The following HECW2 variants were observed in gnomAD, a reference collection of about 807,000 sequenced individuals.
The protein encoded by HECW2 is E3 ubiquitin-protein ligase HECW2.
Under a neutral mutation model 175.2 loss-of-function variants are expected in HECW2, and 61 were observed. The ratio of observed to expected loss-of-function variants is 0.35; its 90% CI spans 0.28 to 0.43. The LOEUF (loss-of-function observed/expected upper bound fraction) is 0.43, where lower values mean the gene tolerates loss of function less well. Ranked by LOEUF, HECW2 falls within the 20% of genes least tolerant of loss-of-function variation. The pLI is 1.00. For synonymous variants in HECW2, 671 were observed against 731.0 expected (o/e 0.92, Z 1.32); for missense variants, 1,524 against 2,000.5 (o/e 0.76, Z 4.54).
intron 2 of HECW2, among the ~76,000 whole-genome samples, chr2:196,418,089 CAAAAA>C (rs1695303253): frequency 6.6e-6 from 1 of 151,452 alleles, no homozygotes; most frequent in East Asian, 1.9e-4. Context: ...ATATAGTCCC[CAAAAA>C]AGCAGTACTT....
chr2:196,207,882 T>G (rs1262444171), intron 28 of HECW2, among the ~76,000 whole-genome samples: 2 of 152,226 alleles, frequency 1.3e-5, no homozygotes, highest in African/African-American at 4.8e-5. Flanking sequence ...TTCCTGTATC[T>G]GGGGTAACTA....
At chr2:196,359,204 T>C (rs1400012734) in intron 2 of HECW2, among the ~76,000 whole-genome samples, 7 of 152,098 alleles carry the variant, frequency 4.6e-5, no homozygotes, top group African/African-American at 1.4e-4. Flanking sequence ...AATCCCAGCA[T>C]GTTAGGAGGC....
At chr2:196,559,109 A>G (rs141298912) in intron 1 of HECW2, among the ~76,000 whole-genome samples, 174 of 152,332 alleles carry the variant, frequency 1.1e-3, no homozygotes, top group African/African-American at 4.0e-3. Flanking sequence ...AATAAGCAGG[A>G]GAGCTGGGAT....
chr2:196,257,793 C>G, intron 18 of HECW2, 30 bp downstream of exon 18: 1 of 1,478,318 alleles, frequency 6.8e-7, no homozygotes, highest in Non-Finnish European at 9.4e-7. Flanking sequence ...AAGAGACCTT[C>G]TGCTTCAAGA....
intron 2 of HECW2, among the ~76,000 whole-genome samples, chr2:196,361,014 T>C (rs946352500): frequency 6.6e-6 from 1 of 152,138 alleles, no homozygotes; most frequent in African/African-American, 2.4e-5. Flanking sequence ...TACATGGCAA[T>C]AAAAATGAAC....
chr2:196,231,774 G>A (rs1688065415), intron 21 of HECW2, among the ~76,000 whole-genome samples: 1 of 7,258 alleles, frequency 1.4e-4, no homozygotes, highest in South Asian at 0.25. Flanking sequence ...GGATCACAAG[G>A]TCAGGACCAT....
At chr2:196,323,375 C>A (rs964468342) in intron 6 of HECW2, among the ~76,000 whole-genome samples, 3 of 152,196 alleles carry the variant, frequency 2.0e-5, no homozygotes, top group Non-Finnish European at 4.4e-5. Flanking sequence ...ATGTAACTTT[C>A]TTTTTGAAGA....
chr2:196,471,349 A>G (rs554964603), intron 1 of HECW2, among the ~76,000 whole-genome samples: 1 of 152,200 alleles, frequency 6.6e-6, no homozygotes, highest in African/African-American at 2.4e-5. Flanking sequence ...AAAATGGAAC[A>G]CTTATACACT....
intron 1 of HECW2, among the ~76,000 whole-genome samples, chr2:196,513,178 A>G (rs753320188): frequency 3.3e-5 from 5 of 152,198 alleles, no homozygotes; most frequent in African/African-American, 4.8e-5. Context: ...TTGTAAGTAA[A>G]TGTTGCTGTC....
chr2:196,308,232 C>T (rs905233767), intron 10 of HECW2, 147 bp from the exon 11 acceptor site: 8 of 485,338 alleles, frequency 1.6e-5, no homozygotes, highest in African/African-American at 1.5e-4. Context: ...TCCCATACTT[C>T]TCCCCAGTTC....
chr2:196,267,680 A>C (rs1329307475), intron 17 of HECW2, among the ~76,000 whole-genome samples: 1 of 152,228 alleles, frequency 6.6e-6, no homozygotes, highest in African/African-American at 2.4e-5. Flanking sequence ...ACAGGAAGAC[A>C]CACCAGTGAA....
intron 13 of HECW2, among the ~76,000 whole-genome samples, chr2:196,298,887 C>CA (rs1469762961): frequency 1.3e-5 from 2 of 151,994 alleles, no homozygotes; most frequent in African/African-American, 4.8e-5. Flanking sequence ...ACAATTCTAG[C>CA]AAAAAACCCT....
intron 1 of HECW2, among the ~76,000 whole-genome samples, chr2:196,548,487 T>A (rs990485203): frequency 5.9e-5 from 9 of 152,134 alleles, no homozygotes; most frequent in Non-Finnish European, 1.2e-4. Flanking sequence ...GACTTGAGGA[T>A]AAACTACATC....
chr2:196,305,485 C>T (rs764202225), intron 13 of HECW2, among the ~76,000 whole-genome samples: 1 of 152,140 alleles, frequency 6.6e-6, no homozygotes, highest in Non-Finnish European at 1.5e-5. Flanking sequence ...CCACATACTC[C>T]TGGTGATAGG....
intron 1 of HECW2, among the ~76,000 whole-genome samples, chr2:196,479,025 G>A (rs909954483): frequency 4.6e-5 from 7 of 152,200 alleles, no homozygotes; most frequent in South Asian, 4.1e-4. Flanking sequence ...GAACAATACA[G>A]TAGAGCATCA....
chr2:196,271,211 G>A lies in HECW2; in HGVS notation c.3317C>T (p.Thr1106Ile). 1 of 1,601,670 alleles carries A rather than the reference G, an allele frequency of 6.2e-7. No homozygotes were observed. The highest frequency in any genetic ancestry group is 8.6e-7 in the Non-Finnish European group (1 of 1,168,830). The change falls in exon 17 of 29, where the codon ACC (threonine) becomes ATC (isoleucine). Residue 1106 changes from threonine (T) to isoleucine (I), a missense_variant. This residue lies in a region of HECW2 where 291 missense variants were observed against 412.2 expected (regional missense o/e 0.71). Transcript: ENST00000644978. ...EILQERQPDL[T>I]RNHSLREKIQ... Reference sequence around the variant, plus strand: ...TTGTTACCTGAGTGAGTGATTCCTGGTAAGATCAGGTTGACGCTCCTGTAG... The same window carrying A: ...TTGTTACCTGAGTGAGTGATTCCTGATAAGATCAGGTTGACGCTCCTGTAG...
intron 19 of HECW2, among the ~76,000 whole-genome samples, chr2:196,253,623 A>C (rs561230663): frequency 2.7e-4 from 41 of 152,338 alleles, no homozygotes; most frequent in Non-Finnish European, 4.4e-4. Context: ...AACTTTCTAA[A>C]GTCAAAAAGC....
intron 10 of HECW2, chr2:196,316,584 C>T (rs180909921): frequency 6.6e-5 from 10 of 152,136 alleles, no homozygotes; most frequent in South Asian, 2.1e-4. Flanking sequence ...AAAGGACTGT[C>T]GAAATTTAAA....
At chr2:196,286,618 ATTCT>A (rs1162299563) in intron 14 of HECW2, among the ~76,000 whole-genome samples, 12 of 152,138 alleles carry the variant, frequency 7.9e-5, no homozygotes, top group Admixed American at 4.6e-4. Flanking sequence ...TTACGCATTA[ATTCT>A]TTCTAACATA....
Sources: allele counts gnomAD v4.1 joint callset (sites outside exome capture counted in the v4.1 genomes callset), GRCh38; gene constraint gnomAD v4.1.1; regional missense constraint gnomAD v4.1.1; transcripts MANE v1.5; gene names NCBI Gene and HGNC (gene_info 2026-07-23, HGNC 2026-07-21).